The following PPP1R9A variants were observed in gnomAD, a reference collection of about 807,000 sequenced individuals.
PPP1R9A encodes protein phosphatase 1 regulatory subunit 9A.
PPP1R9A carries 59 observed loss-of-function variants against 141.9 expected under a neutral mutation model. The observed-to-expected ratio is 0.42, with a 90% CI of 0.34 to 0.52. PPP1R9A has a LOEUF of 0.52. Ranked by LOEUF, PPP1R9A falls within the 20% of genes least tolerant of loss-of-function variation. The probability of loss-of-function intolerance (pLI) is 0.10; values close to 1 mark genes in which losing one functional copy is unlikely to be tolerated. For synonymous variants in PPP1R9A, 500 were observed against 569.7 expected (o/e 0.88, Z 1.74); for missense variants, 1,444 against 1,611.9 (o/e 0.90, Z 1.78).
chr7:95,165,453 T>G lies in PPP1R9A; in HGVS notation c.1754+3482T>G, dbSNP rs550421991. Among the ~76,000 whole-genome samples the G allele has an allele frequency of 3.0e-3, 456 of 152,302 alleles. 1 individual carries two copies. The highest frequency in any genetic ancestry group is 4.9e-3 in the Non-Finnish European group (333 of 68,026). On this transcript the variant is annotated intron_variant, in intron 5 of 19. Transcript: ENST00000433360. ...TAACCAGACATGTGGGGAGGCACCT[T>G]TGAAGATCTTCCAGCCTTACTAAAG...
chr7:95,098,645 G>A (rs1487532752), intron 2 of PPP1R9A, among the ~76,000 whole-genome samples: 1 of 152,142 alleles, frequency 6.6e-6, no homozygotes, highest in Non-Finnish European at 1.5e-5. Context: ...AGGTCCTTGT[G>A]TTGAGAGCCC....
At chr7:94,974,969 T>A (rs1180150542) in intron 2 of PPP1R9A, among the ~76,000 whole-genome samples, 1 of 152,184 alleles carries the variant, frequency 6.6e-6, no homozygotes, top group Non-Finnish European at 1.5e-5. Flanking sequence ...GGAAAGTTTA[T>A]AGTATCTGAT....
chr7:95,162,068 AT>A, intron 5 of PPP1R9A, 97 bp downstream of exon 5: 1 of 675,266 alleles, frequency 1.5e-6, no homozygotes, highest in Non-Finnish European at 2.4e-6. Flanking sequence ...TACAATGACA[AT>A]TTTACCTGAA....
At chr7:95,093,785 C>G (rs149859914) in intron 2 of PPP1R9A, among the ~76,000 whole-genome samples, 2 of 152,122 alleles carry the variant, frequency 1.3e-5, no homozygotes, top group Non-Finnish European at 2.9e-5. Flanking sequence ...TAGAATACAG[C>G]CTGAACTATG....
At chr7:95,100,945 C>A (rs1818700733) in intron 2 of PPP1R9A, among the ~76,000 whole-genome samples, 1 of 147,494 alleles carries the variant, frequency 6.8e-6, no homozygotes, top group Admixed American at 6.9e-5. Context: ...CTCCGCCTCC[C>A]GGGTTCACGC....
intron 18 of PPP1R9A, 98 bp downstream of exon 18, chr7:95,286,423 G>T: frequency 6.6e-7 from 1 of 1,521,812 alleles, no homozygotes; most frequent in Non-Finnish European, 8.8e-7. Flanking sequence ...ATATTGCATA[G>T]AAATCATCAG....
At chr7:95,033,572 AT>A (rs1472512659) in intron 2 of PPP1R9A, among the ~76,000 whole-genome samples, 4 of 151,940 alleles carry the variant, frequency 2.6e-5, no homozygotes, top group Non-Finnish European at 5.9e-5. Context: ...TTTGTGTGTC[AT>A]TTTAGAAATC....
At chr7:94,925,533 T>C (rs1056979859) in intron 2 of PPP1R9A, among the ~76,000 whole-genome samples, 2 of 152,128 alleles carry the variant, frequency 1.3e-5, no homozygotes, top group East Asian at 3.9e-4. Flanking sequence ...GAAAATTTGC[T>C]GAAGGGATTC....
intron 7 of PPP1R9A, among the ~76,000 whole-genome samples, chr7:95,204,839 AACCACACACAC>A (rs1237071528): frequency 2.2e-5 from 3 of 139,080 alleles, no homozygotes; most frequent in South Asian, 2.3e-4. Flanking sequence ...ATACCCTCAC[AACCACACACAC>A]ACCACACACA....
At position 94,936,651 on chromosome 7, in the gene PPP1R9A, GGTGTGTGTGTGTGT is replaced by G. The variant is rs35730484; in HGVS notation, c.1395+25162_1395+25175del. Among the ~76,000 whole-genome samples, 519 of 82,234 alleles carry G rather than the reference GGTGTGTGTGTGTGT, an allele frequency of 6.3e-3. 3 individuals carry two copies. The highest frequency in any genetic ancestry group is 0.016 in the African/African-American group (485 of 31,278). 53.9% of individuals were successfully genotyped at this position (82,234 alleles called of 152,430 possible). A position where few individuals can be genotyped will look rare whatever the true frequency, so the allele number is the denominator to read the frequency against. ...ACTAAGTATGGGGAGACTGTGTAGG[GGTGTGTGTGTGTGT>G]GTGTGTGTGTGTGTGTGTTTGTGTA... is the stretch of plus-strand genomic sequence containing the variant. On this transcript the variant is annotated intron_variant, in intron 2 of 19. Transcript: ENST00000433360.
At chr7:95,096,664 G>C (rs1437963248) in intron 2 of PPP1R9A, among the ~76,000 whole-genome samples, 1 of 152,094 alleles carries the variant, frequency 6.6e-6, no homozygotes, top group Non-Finnish European at 1.5e-5. Flanking sequence ...CACAAAAACT[G>C]TGTCCCAGAG....
At chr7:95,177,795 G>A (rs1199046341) in intron 5 of PPP1R9A, among the ~76,000 whole-genome samples, 1 of 152,006 alleles carries the variant, frequency 6.6e-6, no homozygotes, top group Non-Finnish European at 1.5e-5. Flanking sequence ...TTATATAATG[G>A]TAAAAGGCTT....
At chr7:95,039,094 G>A (rs1313049334) in intron 2 of PPP1R9A, among the ~76,000 whole-genome samples, 2 of 152,076 alleles carry the variant, frequency 1.3e-5, no homozygotes, top group South Asian at 2.1e-4. Flanking sequence ...AGGCAAGAAA[G>A]AACACAGTCT....
At chr7:95,243,426 C>G (rs1797724702) in intron 8 of PPP1R9A, among the ~76,000 whole-genome samples, 1 of 152,136 alleles carries the variant, frequency 6.6e-6, no homozygotes, top group African/African-American at 2.4e-5. Context: ...AGGTGGAGGT[C>G]TGCTTTCTAA....
intron 2 of PPP1R9A, among the ~76,000 whole-genome samples, chr7:94,939,817 T>TACAC (rs4014722): frequency 0.072 from 10,463 of 145,220 alleles, 517 homozygotes; most frequent in African/African-American, 0.15. Flanking sequence ...TATATATGTG[T>TACAC]ACACACACAC....
At chr7:95,070,121 C>CA (rs1217842540) in intron 2 of PPP1R9A, among the ~76,000 whole-genome samples, 4 of 152,068 alleles carry the variant, frequency 2.6e-5, no homozygotes, top group African/African-American at 9.7e-5. Flanking sequence ...CTGTGCATAT[C>CA]ACAGGTTTCC....
chr7:94,935,258 C>T (rs571880386), intron 2 of PPP1R9A, among the ~76,000 whole-genome samples: 4 of 152,186 alleles, frequency 2.6e-5, no homozygotes, highest in Non-Finnish European at 5.9e-5. Flanking sequence ...GGCTAAGCTA[C>T]TACTTAAATA....
chr7:95,208,525 C>T (rs762445631), intron 7 of PPP1R9A, among the ~76,000 whole-genome samples: 1 of 151,916 alleles, frequency 6.6e-6, no homozygotes, highest in African/African-American at 2.4e-5. Flanking sequence ...GAGATTGAGA[C>T]CATCCTGGCT....
intron 7 of PPP1R9A, among the ~76,000 whole-genome samples, chr7:95,220,227 G>T (rs1276580083): frequency 6.6e-6 from 1 of 152,018 alleles, no homozygotes; most frequent in African/African-American, 2.4e-5. Flanking sequence ...GCAGATTTAG[G>T]AATTTTAAAC....
Sources: gnomAD v4.1 joint callset for allele counts (sites outside exome capture counted in the v4.1 genomes callset) on GRCh38, gnomAD v4.1.1 for gene constraint, MANE v1.5 for transcripts, NCBI Gene and HGNC (gene_info 2026-07-23, HGNC 2026-07-21) for gene names.